The following TP53BP2 variants were observed in gnomAD, a reference collection of about 807,000 sequenced individuals.
The protein encoded by TP53BP2 is apoptosis-stimulating of p53 protein 2.
A neutral mutation model predicts 126.2 loss-of-function variants in TP53BP2; 62 were observed. That is an observed-to-expected ratio of 0.49 (90% CI 0.40 to 0.61). TP53BP2 has a LOEUF of 0.61. Among genes scored for constraint, TP53BP2 ranks in the 20% least tolerant of loss-of-function variants. The pLI is 0.00. For synonymous variants in TP53BP2, 485 were observed against 502.9 expected (o/e 0.96, Z 0.48); for missense variants, 1,215 against 1,402.8 (o/e 0.87, Z 2.14).
chr1:223,803,045 T>A (rs1215944520), intron 7 of TP53BP2, 150 bp from the exon 8 acceptor site: 2 of 940,186 alleles, frequency 2.1e-6, no homozygotes, highest in Non-Finnish European at 3.1e-6. Flanking sequence ...TAAAATTAAG[T>A]GACACCTGTG....
At chr1:223,780,927 T>A in intron 17 of TP53BP2, 33 bp from the exon 18 acceptor site, 1 of 1,590,246 alleles carries the variant, frequency 6.3e-7, no homozygotes, top group Non-Finnish European at 8.6e-7. Flanking sequence ...TTACATACTA[T>A]AATAGATGTG....
chr1:223,802,393 A>G (rs1247746403), intron 8 of TP53BP2, 49 bp from the exon 9 acceptor site: 2 of 1,538,804 alleles, frequency 1.3e-6, no homozygotes, highest in African/African-American at 2.8e-5. Context: ...ATCTCAGGTG[A>G]TCAGACTTAG....
chr1:223,795,706 G>A lies in TP53BP2; in HGVS notation c.2724+109C>T, dbSNP rs1662291679. 4.9e-6 allele frequency: 5 copies of A among 1,023,864 alleles called. No individual in the cohort carries two copies. The Admixed American group carries it at 1.3e-4, about 27-fold the overall frequency. 63.4% of individuals were successfully genotyped at this position (1,023,864 alleles called of 1,614,324 possible). A position where few individuals can be genotyped will look rare whatever the true frequency, so the allele number is the denominator to read the frequency against. On this transcript the variant is annotated intron_variant, in intron 13 of 17. Transcript: ENST00000343537. The stretch of plus-strand genomic sequence containing the variant: ...ATTTATAAGATCCACTCTGTGCCAA[G>A]GGAATCGTAAAATAAAAATGCAAAC...
rs757453347 is a variant in TP53BP2 at position 223,803,298 on chromosome 1, C to A, written c.804G>T (p.Glu268Asp). ...SHHDNQSAVAELDRLYKELQL... is the reference protein window; with the variant it reads ...SHHDNQSAVADLDRLYKELQL... ...GCAGCTCCTTATAGAGGCGATCAAG[C>A]TCAGCCACTGCAGACTGATTGTCAT... Residue 268 changes from glutamate (E) to aspartate (D), a missense_variant, in exon 7 of 18, where the codon GAG (glutamate) becomes GAT (aspartate). This residue lies in a region of TP53BP2 where 814 missense variants were observed against 853.0 expected (regional missense o/e 0.95). Transcript: ENST00000343537. 1 of 1,612,756 alleles carries A rather than the reference C, an allele frequency of 6.2e-7. No homozygotes were observed. The highest frequency in any genetic ancestry group is 8.5e-7 in the Non-Finnish European group (1 of 1,179,638).
Position 223,796,294 on chromosome 1 carries a change from C to T in TP53BP2, c.2245G>A (p.Gly749Ser). Residue 749 changes from glycine to serine, a missense_variant, in exon 13 of 18, where the codon GGT becomes AGT. Physicochemically the swap from Gly to Ser is moderately conservative, Grantham distance 56. Coordinates refer to ENST00000343537, the MANE Select transcript of TP53BP2 (RefSeq NM_001031685.3). This position sits in a 1 kb window ranked among gnomAD's most constrained non-coding sequence, Gnocchi z 4.2. ...TTCTGAATATTTGGCCCATTAGGAC[C>T]CTCTGGCTCTGTAATAGAACTACGT... The part of the protein sequence containing the change: ...KKRSSITEPE[G>S]PNGPNIQKLL... The T allele has an allele frequency of 4.3e-6, 7 of 1,614,086 alleles. No individual in the cohort carries two copies. Among genetic ancestry groups the T allele is most frequent in the Non-Finnish European group, 5.9e-6 (7 of 1,180,024 alleles).
At chr1:223,844,727 T>C (rs550045631) in intron 1 of TP53BP2, among the ~76,000 whole-genome samples, 1 of 152,204 alleles carries the variant, frequency 6.6e-6, no homozygotes, top group Admixed American at 6.5e-5. Flanking sequence ...CATATTATAC[T>C]CTGTATGTAT....
At chr1:223,808,120 C>G (rs1472581889) in intron 4 of TP53BP2, among the ~76,000 whole-genome samples, 2 of 152,190 alleles carry the variant, frequency 1.3e-5, no homozygotes, top group African/African-American at 4.8e-5. Flanking sequence ...AATAGCCCCA[C>G]ATACATGAGG....
chr1:223,843,384 G>A (rs1394669493), intron 1 of TP53BP2, among the ~76,000 whole-genome samples: 1 of 151,932 alleles, frequency 6.6e-6, no homozygotes, highest in African/African-American at 2.4e-5. Flanking sequence ...TTGGCCAGGA[G>A]GGTCTCAATC....
intron 7 of TP53BP2, 52 bp downstream of exon 7, chr1:223,803,219 T>A (rs1662589263): frequency 1.9e-6 from 3 of 1,545,606 alleles, no homozygotes; most frequent in Admixed American, 2.0e-5. Context: ...TATGAGCAAC[T>A]CTGTTTCTGG....
In TP53BP2 at chr1:223,798,734, G is replaced by T. The variant is rs1221503804; in HGVS notation, c.1486-57C>A. 6 of 1,364,654 alleles carry T rather than the reference G, an allele frequency of 4.4e-6. No individual in the cohort carries two copies. The South Asian group carries it at 8.3e-5, about 19-fold the overall frequency. 84.5% of individuals were successfully genotyped at this position (1,364,654 alleles called of 1,614,324 possible). A position where few individuals can be genotyped will look rare whatever the true frequency, so the allele number is the denominator to read the frequency against. On this transcript the variant is annotated intron_variant, in intron 11 of 17. Transcript: ENST00000343537. ...TACTATATAACTGGGTACACAGGAT[G>T]TTCTAGATAACCTAATTTCACAAAT...
intron 4 of TP53BP2, among the ~76,000 whole-genome samples, chr1:223,807,564 C>A (rs1329395808): frequency 2.0e-5 from 3 of 150,586 alleles, no homozygotes; most frequent in Non-Finnish European, 4.4e-5. Flanking sequence ...GCTATGGAAT[C>A]TACAAAAAAG....
At chr1:223,807,460 C>T (rs1315793981) in intron 4 of TP53BP2, among the ~76,000 whole-genome samples, 1 of 151,834 alleles carries the variant, frequency 6.6e-6, no homozygotes, top group African/African-American at 2.4e-5. Flanking sequence ...CTAGCCAATG[C>T]AATAAAACAA....
rs934629856 is a variant in TP53BP2, at chr1:223,798,527, T to C, written c.1636A>G (p.Met546Val). 5 of 1,614,086 alleles carry C rather than the reference T, an allele frequency of 3.1e-6. No individual in the cohort carries two copies. In the South Asian group the frequency reaches 3.3e-5, roughly 11 times the overall value. The change falls in exon 12 of 18, where the codon ATG becomes GTG. Residue 546 changes from methionine to valine, a missense_variant. By Grantham distance (21) the Met-to-Val change is conservative. Around this residue, in one of 4 missense-constraint regions of TP53BP2, gnomAD observed 814 missense variants for 853.0 expected, o/e 0.95. Coordinates refer to ENST00000343537, the MANE Select transcript of TP53BP2 (RefSeq NM_001031685.3). ...CCTGCTGGTTTTGGTTTAGTTCCCA[T>C]GGACGGAACAACTGTTGACAACTGC... ...SQQLSTVVPS[M>V]GTKPKPAGQQ...
intron 1 of TP53BP2, among the ~76,000 whole-genome samples, chr1:223,830,309 CATTTCAG>C (rs1285496367): frequency 1.3e-5 from 2 of 152,124 alleles, no homozygotes; most frequent in African/African-American, 4.8e-5. Context: ...AATTCTGGAG[CATTTCAG>C]ATTTCAGATT....
chr1:223,841,269 A>AAATAAATAAATAAATAAATG lies in TP53BP2; in HGVS notation c.27+4384_27+4385insCATTTATTTATTTATTTATT, dbSNP rs758647320. ...TCAAGAAATAAATAAATAAATAAAT[A>AAATAAATAAATAAATAAATG]AAAGAAATATTTTGCACATTTCTAA... is the stretch of plus-strand genomic sequence containing the variant. On this transcript the variant is annotated intron_variant, in intron 1 of 17. Transcript: ENST00000343537. Among the ~76,000 whole-genome samples the AAATAAATAAATAAATAAATG allele has an allele frequency of 9.7e-3, 1,477 of 152,020 alleles. 21 individuals are homozygous for AAATAAATAAATAAATAAATG. The highest frequency in any genetic ancestry group is 0.033 in the African/African-American group (1,385 of 41,384).
At chr1:223,822,748 C>CCT (rs1156235747) in intron 1 of TP53BP2, among the ~76,000 whole-genome samples, 2 of 151,206 alleles carry the variant, frequency 1.3e-5, no homozygotes, top group Admixed American at 1.3e-4. Flanking sequence ...AACACTGCTA[C>CCT]TAAAGAATTA....
At chr1:223,786,906 T>G (rs961023459) in intron 16 of TP53BP2, among the ~76,000 whole-genome samples, 7 of 147,338 alleles carry the variant, frequency 4.8e-5, no homozygotes, top group Non-Finnish European at 9.0e-5. Context: ...GCGCCCGGCT[T>G]TTTTTGTGAG....
In TP53BP2 at chr1:223,832,360, G is replaced by A. The variant is rs571024461; in HGVS notation, c.28-10993C>T. On this transcript the variant is annotated intron_variant, in intron 1 of 17. Transcript: ENST00000343537. ...AGAAATACCACAGGAATAGCCAGGC[G>A]ATTATGCTTGTAGAGAGATTAGGGG... Among the ~76,000 whole-genome samples the A allele has an allele frequency of 3.0e-4, 45 of 152,304 alleles. No homozygotes were observed. The East Asian group carries it at 8.3e-3, about 28-fold the overall frequency.
In TP53BP2 at chr1:223,793,441, C is replaced by T. The variant is rs748411450; in HGVS notation, c.2725-1G>A. On this transcript the variant is annotated splice_acceptor_variant, in intron 13 of 17. Transcript: ENST00000343537. LOFTEE classifies it high-confidence loss of function. ...TTTTACGCAAGTTTGTCCTTTTACC[C>T]TGCAAAGAAAATGGGTGGAAAATTT... 6.4e-7 allele frequency: 1 copy of T among 1,569,668 alleles called. No homozygotes were observed. Among genetic ancestry groups the T allele is most frequent in the Non-Finnish European group, 8.6e-7 (1 of 1,162,060 alleles).
Sources: gnomAD v4.1 joint callset for allele counts (sites outside exome capture counted in the v4.1 genomes callset) on GRCh38, gnomAD v4.1.1 for gene constraint, gnomAD v4.1.1 regional missense constraint, Gnocchi (gnomAD v3.1) non-coding constraint, MANE v1.5 for transcripts, NCBI Gene and HGNC (gene_info 2026-07-23, HGNC 2026-07-21) for gene names.